Variants in PXDNL observed in about 807,000 individuals in gnomAD.
PXDNL encodes peroxidasin like.
A neutral mutation model predicts 150.8 loss-of-function variants in PXDNL; 145 were observed. The ratio of observed to expected loss-of-function variants is 0.96; its 90% CI spans 0.84 to 1.10. The LOEUF is 1.10. Among genes scored for constraint, PXDNL ranks in the 50% least tolerant of loss-of-function variants. The probability of loss-of-function intolerance (pLI) is 0.00; values close to 1 mark genes in which losing one functional copy is unlikely to be tolerated. For missense variants in PXDNL, 2,087 were observed against 1,873.9 expected (o/e 1.11, Z -2.10); for synonymous variants, 757 against 725.7 (o/e 1.04, Z -0.69).
At chr8:51,432,160 G>T (rs1272739259) in intron 12 of PXDNL, among the ~76,000 whole-genome samples, 2 of 152,142 alleles carry the variant, frequency 1.3e-5, no homozygotes, top group East Asian at 3.9e-4. Flanking sequence ...GGTGTGTAGG[G>T]TGATGTAAAG....
At chr8:51,695,336 A>G (rs1816091693) in intron 1 of PXDNL, among the ~76,000 whole-genome samples, 1 of 152,116 alleles carries the variant, frequency 6.6e-6, no homozygotes, top group Non-Finnish European at 1.5e-5. Flanking sequence ...TCAGCAGAGG[A>G]TTTTTGCAAG....
chr8:51,803,280 C>G (rs1027339629), intron 1 of PXDNL, among the ~76,000 whole-genome samples: 1 of 152,176 alleles, frequency 6.6e-6, no homozygotes, highest in Non-Finnish European at 1.5e-5. Context: ...CAGCGAGTAT[C>G]TCTCTTTGGA....
chr8:51,764,012 A>T (rs933473726), intron 1 of PXDNL, among the ~76,000 whole-genome samples: 5 of 152,144 alleles, frequency 3.3e-5, no homozygotes, highest in African/African-American at 1.2e-4. Context: ...ATCCACTCAG[A>T]TTTTCTAATA....
chr8:51,801,922 C>G (rs568357398), intron 1 of PXDNL, among the ~76,000 whole-genome samples: 14 of 152,278 alleles, frequency 9.2e-5, no homozygotes, highest in Non-Finnish European at 1.9e-4. Context: ...TGCATGTAGG[C>G]AGGTGCCTCT....
chr8:51,756,036 A>AT (rs1230306282), intron 1 of PXDNL, among the ~76,000 whole-genome samples: 3 of 152,188 alleles, frequency 2.0e-5, no homozygotes, highest in African/African-American at 7.2e-5. Flanking sequence ...AAACTACAAT[A>AT]TTTTTTAAAT....
At chr8:51,385,327 A>T (rs1485751632) in intron 17 of PXDNL, among the ~76,000 whole-genome samples, 1 of 152,014 alleles carries the variant, frequency 6.6e-6, no homozygotes, top group East Asian at 1.9e-4. Flanking sequence ...AAAAATAGCT[A>T]AAAAGGAAAA....
intron 3 of PXDNL, among the ~76,000 whole-genome samples, chr8:51,577,913 GAAAA>G (rs1813093774): frequency 9.2e-6 from 1 of 108,788 alleles, no homozygotes; most frequent in African/African-American, 3.9e-5. Context: ...GAAAGAGAAA[GAAAA>G]GAAAGAAAAG....
intron 1 of PXDNL, among the ~76,000 whole-genome samples, chr8:51,711,510 T>C (rs1032400143): frequency 6.6e-6 from 1 of 152,226 alleles, no homozygotes; most frequent in Non-Finnish European, 1.5e-5. Flanking sequence ...GTCTTCAAAT[T>C]ATAAACATTA....
chr8:51,547,803 G>T (rs1425777994), intron 4 of PXDNL, among the ~76,000 whole-genome samples: 1 of 152,104 alleles, frequency 6.6e-6, no homozygotes, highest in Admixed American at 6.5e-5. Flanking sequence ...ATCCCCAAAA[G>T]CTCACACTAG....
chr8:51,671,048 T>C (rs1028456190), intron 1 of PXDNL, among the ~76,000 whole-genome samples: 2 of 152,226 alleles, frequency 1.3e-5, no homozygotes, highest in Admixed American at 6.5e-5. Context: ...TCAAAGAATA[T>C]GCAAAATCTT....
chr8:51,600,253 CTCATATAAA>C (rs1813670169), intron 2 of PXDNL, among the ~76,000 whole-genome samples: 2 of 133,886 alleles, frequency 1.5e-5, no homozygotes, highest in African/African-American at 5.7e-5. Flanking sequence ...TAAATTATAT[CTCATATAAA>C]TTATATCGTT....
chr8:51,499,916 G>T, intron 4 of PXDNL, 146 bp from the exon 5 acceptor site: 1 of 592,288 alleles, frequency 1.7e-6, no homozygotes, highest in Non-Finnish European at 3.0e-6. Flanking sequence ...GAAACTCTGA[G>T]ATATTTTGTC....
At chr8:51,553,740 T>TTATATATATA (rs747698313) in intron 4 of PXDNL, among the ~76,000 whole-genome samples, 146 of 112,886 alleles carry the variant, frequency 1.3e-3, no homozygotes, top group East Asian at 6.0e-3. Flanking sequence ...GTGAGGGATT[T>TTATATATATA]TATATATATA....
At chr8:51,468,739 A>G (rs1045121136) in intron 8 of PXDNL, among the ~76,000 whole-genome samples, 15 of 151,670 alleles carry the variant, frequency 9.9e-5, no homozygotes, top group Non-Finnish European at 1.9e-4. Context: ...CTATTTGTTA[A>G]TATTCCATCT....
intron 17 of PXDNL, among the ~76,000 whole-genome samples, chr8:51,407,131 C>T (rs1014282431): frequency 6.6e-6 from 1 of 152,146 alleles, no homozygotes; most frequent in Non-Finnish European, 1.5e-5. Context: ...TAAACCAGGT[C>T]TTCGTGAATC....
At chr8:51,473,944 G>T (rs1810412699) in intron 7 of PXDNL, among the ~76,000 whole-genome samples, 1 of 152,264 alleles carries the variant, frequency 6.6e-6, no homozygotes, top group South Asian at 2.1e-4. Flanking sequence ...CAAGAAAAAT[G>T]AAAGCTGGGA....
intron 4 of PXDNL, among the ~76,000 whole-genome samples, chr8:51,523,350 A>G (rs1472698353): frequency 2.6e-5 from 4 of 152,180 alleles, no homozygotes; most frequent in South Asian, 2.1e-4. Context: ...GGAAAATAAA[A>G]TTTTCTCTCT....
chr8:51,807,017 T>G (rs2037684123), intron 1 of PXDNL, among the ~76,000 whole-genome samples: 1 of 152,232 alleles, frequency 6.6e-6, no homozygotes, highest in Admixed American at 6.5e-5. Context: ...CCATAGTGTT[T>G]ACTAGAGCTA....
chr8:51,410,451 C>T (rs1313938527), intron 16 of PXDNL, among the ~76,000 whole-genome samples: 1 of 152,178 alleles, frequency 6.6e-6, no homozygotes, highest in Non-Finnish European at 1.5e-5. Flanking sequence ...CCTCAGGAAG[C>T]TTTGAAAACC....
Sources: gnomAD v4.1 joint callset for allele counts (sites outside exome capture counted in the v4.1 genomes callset) on GRCh38, gnomAD v4.1.1 for gene constraint, MANE v1.5 for transcripts, NCBI Gene and HGNC (gene_info 2026-07-23, HGNC 2026-07-21) for gene names.